ACAP1: variants seen among roughly 807,000 people sequenced by gnomAD.
ACAP1 encodes the protein ArfGAP with coiled-coil, ankyrin repeat and PH domains 1, also known as arf-GAP with coiled-coil, ANK repeat and PH domain-containing protein 1.
ACAP1 carries 45 observed loss-of-function variants against 98.8 expected under a neutral mutation model. That is an observed-to-expected ratio of 0.46 (90% CI 0.36 to 0.58). The LOEUF (loss-of-function observed/expected upper bound fraction) is 0.58. Among genes scored for constraint, ACAP1 ranks in the 20% least tolerant of loss-of-function variants. The pLI is 0.00. For missense variants in ACAP1, 735 were observed against 971.4 expected, an observed-to-expected ratio of 0.76 and a Z score of 3.24; for synonymous variants, 362 against 375.3, an observed-to-expected ratio of 0.96 and a Z score of 0.41.
At position 7,347,043 on chromosome 17, in the gene ACAP1, C is replaced by T. The variant is rs2073353451; in HGVS notation, c.1144C>T (p.Leu382=). The change falls in exon 14 of 22, where the codon CTG becomes TTG. Residue 382 remains leucine, a synonymous_variant. Coordinates refer to ENST00000158762, the MANE Select transcript of ACAP1 (RefSeq NM_014716.4). Reference sequence around the variant, plus strand: ...CTCTCTCCCCCAGGGCTCAGGACACCTGGCCATAGGCTCTGCTGCCACCCT... The same window carrying T: ...CTCTCTCCCCCAGGGCTCAGGACACTTGGCCATAGGCTCTGCTGCCACCCT... ...PRGPGQGSGH[L]AIGSAATLGS... 11 of 1,592,622 alleles carry T rather than the reference C, an allele frequency of 6.9e-6. No homozygotes were observed. Among genetic ancestry groups the T allele is most frequent in the Non-Finnish European group, 9.4e-6 (11 of 1,166,420 alleles).
intron 5 of ACAP1, chr17:7,342,713 A>T (rs2073299939): frequency 3.5e-6 from 2 of 567,672 alleles, no homozygotes; most frequent in Non-Finnish European, 6.3e-6. Context: ...CAGCCTGTCT[A>T]ACATGGCAAA....
intron 14 of ACAP1, 113 bp downstream of exon 14, chr17:7,347,355 A>T: frequency 9.1e-7 from 1 of 1,099,614 alleles, no homozygotes; most frequent in Non-Finnish European, 1.3e-6. Context: ...TTCCTCTCTT[A>T]GCTTCTGGCT....
Position 7,349,986 on chromosome 17 carries a change from G to A in ACAP1, c.1893G>A (p.Ala631=). The part of the protein sequence containing the change: ...LACEFLLQNG[A]NVNQADSAGR... ...GTGAGTTTCTCCTCCAGAACGGGGC[G>A]AACGTGAACCAAGCGGACAGTGCGG... is the stretch of plus-strand genomic sequence containing the variant. The change falls in exon 19 of 22, where the codon GCG becomes GCA. Residue 631 remains alanine (A), a synonymous_variant. Transcript: ENST00000158762. 6.2e-7 allele frequency: 1 copy of A among 1,613,296 alleles called. No homozygotes were observed. Among genetic ancestry groups the A allele is most frequent in the Non-Finnish European group, 8.5e-7 (1 of 1,179,382 alleles).
At chr17:7,349,379 CT>C (rs1393015366) in intron 18 of ACAP1, 54,507 of 384,112 alleles carry the variant, frequency 0.14, 7 homozygotes, top group East Asian at 0.2. Context: ...TTACAGGAGA[CT>C]TTTTTTTTTT....
intron 2 of ACAP1, among the ~76,000 whole-genome samples, chr17:7,339,624 C>T (rs990512253): frequency 1.2e-4 from 19 of 152,174 alleles, no homozygotes; most frequent in African/African-American, 2.7e-4. Context: ...CACTGCACTC[C>T]GGCGTGGGCG....
Position 7,350,915 on chromosome 17 carries a change from T to C in ACAP1, c.2073-35T>C, listed in dbSNP as rs1027703758. 3 of 1,612,282 alleles carry C rather than the reference T, an allele frequency of 1.9e-6. No individual in the cohort carries two copies. The highest frequency in any genetic ancestry group is 1.7e-4 in the Middle Eastern group (1 of 6,060). On this transcript the variant is annotated intron_variant, in intron 20 of 21. Coordinates refer to ENST00000158762, the MANE Select transcript of ACAP1 (RefSeq NM_014716.4). The surrounding 1 kb of genome is among the most constrained non-coding windows in gnomAD (Gnocchi z 4.6). ...GTGAGCCACCGCGCCCGGCCAAAGA[T>C]AGTGTCGTTCATTTCTTAATTCCCT...
Position 7,341,944 on chromosome 17 carries a change from C to A in ACAP1, c.112-4C>A. The A allele has an allele frequency of 6.2e-7, 1 of 1,614,098 alleles. No homozygotes were observed. Among genetic ancestry groups the A allele is most frequent in the Non-Finnish European group, 8.5e-7 (1 of 1,180,000 alleles). On this transcript the variant is annotated splice_region_variant and splice_polypyrimidine_tract_variant and intron_variant, in intron 2 of 21. Coordinates refer to ENST00000158762, the MANE Select transcript of ACAP1 (RefSeq NM_014716.4). ...AGCTCCCTGTTACCCTCCTTCTTTC[C>A]CAGCTCCTGAAACTGGGCACTGGTC...
At chr17:7,349,876 C>T in intron 18 of ACAP1, 69 bp from the exon 19 acceptor site, 2 of 1,317,492 alleles carry the variant, frequency 1.5e-6, no homozygotes, top group Non-Finnish European at 1.1e-6. Context: ...CTGGCGCCAC[C>T]CTAAGACATC....
At chr17:7,345,108 A>T (rs977479077) in intron 10 of ACAP1, among the ~76,000 whole-genome samples, 1 of 152,048 alleles carries the variant, frequency 6.6e-6, no homozygotes, top group Non-Finnish European at 1.5e-5. Flanking sequence ...TAATGGGGGC[A>T]TGAGTCATTA....
Position 7,347,063 on chromosome 17 carries a change from C to T in ACAP1, c.1164C>T (p.Ala388=). The change falls in exon 14 of 22, where the codon GCC becomes GCT. Residue 388 remains alanine (A), a synonymous_variant. Coordinates refer to ENST00000158762, the MANE Select transcript of ACAP1 (RefSeq NM_014716.4). ...GACACCTGGCCATAGGCTCTGCTGC[C>T]ACCCTGGGCTCTGGTGGAATGGCCA... is the stretch of plus-strand genomic sequence containing the variant. ...GSGHLAIGSA[A]TLGSGGMARG... is the part of the protein sequence containing the mutation. 3 of 1,606,532 alleles carry T rather than the reference C, an allele frequency of 1.9e-6. No homozygotes were observed. Among genetic ancestry groups the T allele is most frequent in the Non-Finnish European group, 2.6e-6 (3 of 1,175,320 alleles).
chr17:7,350,085 G>A lies in ACAP1; in HGVS notation c.1961+31G>A, dbSNP rs1464585246. The stretch of plus-strand genomic sequence containing the variant: ...GATGATGGCATGGGGAGGAAGGCTG[G>A]GAGAAGTTGGGCGGCCGGCTGACCC... On this transcript the variant is annotated intron_variant, in intron 19 of 21. Coordinates refer to ENST00000158762, the MANE Select transcript of ACAP1 (RefSeq NM_014716.4). The surrounding 1 kb of genome is among the most constrained non-coding windows in gnomAD (Gnocchi z 4.6). 2.5e-6 allele frequency: 4 copies of A among 1,613,262 alleles called. No individual in the cohort carries two copies. The South Asian group carries it at 4.4e-5, about 18-fold the overall frequency.
At chr17:7,347,501 G>A (rs55827010) in intron 14 of ACAP1, 5,803 of 521,770 alleles carry the variant, frequency 0.011, 52 homozygotes, top group Non-Finnish European at 0.015. Context: ...GAAGAAGTGT[G>A]GGGTCAAGGC....
At chr17:7,347,263 C>T (rs1235864350) in intron 14 of ACAP1, 21 bp downstream of exon 14, 18 of 1,593,896 alleles carry the variant, frequency 1.1e-5, no homozygotes, top group East Asian at 9.0e-5. Flanking sequence ...AAGGCCCATG[C>T]GGGAGCCCCA....
At position 7,350,053 on chromosome 17, in the gene ACAP1, G is replaced by C; in HGVS notation, c.1960G>C (p.Gly654Arg). Reference protein sequence around the residue: ...LHHATILGHTGLACLFLKRGA... With the variant: ...LHHATILGHTRLACLFLKRGA... ...CCACGCAACCATTCTTGGCCACACG[G>C]GGTAGGGATGATGGCATGGGGAGGA... Residue 654 changes from glycine to arginine, a missense_variant and splice_region_variant, in exon 19 of 22, where the codon GGG (glycine) becomes CGG (arginine). Transcript: ENST00000158762. This position sits in a 1 kb window ranked among gnomAD's most constrained non-coding sequence, Gnocchi z 4.6. 1 of 1,613,516 alleles carries C rather than the reference G, an allele frequency of 6.2e-7. No homozygotes were observed. The highest frequency in any genetic ancestry group is 8.5e-7 in the Non-Finnish European group (1 of 1,179,486).
Position 7,343,732 on chromosome 17 carries a change from G to A in ACAP1, c.555G>A (p.Lys185=). The A allele has an allele frequency of 6.2e-7, 1 of 1,614,180 alleles. No individual in the cohort carries two copies. Among genetic ancestry groups the A allele is most frequent in the Non-Finnish European group, 8.5e-7 (1 of 1,180,030 alleles). The change falls in exon 7 of 22, where the codon AAG becomes AAA. Residue 185 remains lysine (K), a synonymous_variant. Transcript: ENST00000158762. The surrounding 1 kb of genome is among the most constrained non-coding windows in gnomAD (Gnocchi z 4.9). The part of the protein sequence containing the change: ...LQINVIEDKR[K]FDIMEFVLRL... ...TCAACGTGATTGAGGACAAGAGGAA[G>A]TTTGACATCATGGAGTTTGTGAGTT...
intron 2 of ACAP1, among the ~76,000 whole-genome samples, chr17:7,338,974 A>T (rs941870191): frequency 4.6e-5 from 7 of 152,026 alleles, no homozygotes; most frequent in Admixed American, 2.6e-4. Context: ...AAACCAGGAC[A>T]TTAATAGTGT....
In ACAP1 at chr17:7,350,483, G is replaced by T; in HGVS notation, c.2072+246G>T. ...GGATGCTTGGCCCACCCTGAGAGGC[G>T]TAATTCGCCCATCAACATTGCTGTC... On this transcript the variant is annotated intron_variant, in intron 20 of 21. Coordinates refer to ENST00000158762, the MANE Select transcript of ACAP1 (RefSeq NM_014716.4). This position sits in a 1 kb window ranked among gnomAD's most constrained non-coding sequence, Gnocchi z 4.6. 3.5e-6 allele frequency: 2 copies of T among 563,584 alleles called. No homozygotes were observed. The highest frequency in any genetic ancestry group is 3.0e-5 in the East Asian group (1 of 33,692). The allele number at this position is 563,584 out of a possible 1,614,324, so 34.9% of individuals were successfully genotyped here. A position where few individuals can be genotyped will look rare whatever the true frequency, so the allele number is the denominator to read the frequency against.
chr17:7,351,259 G>T (rs775610680), intron 21 of ACAP1, 36 bp from the exon 22 acceptor site: 1 of 1,558,358 alleles, frequency 6.4e-7, no homozygotes, highest in East Asian at 2.3e-5. Context: ...CTGCACTGGG[G>T]CCCAGCCGCC....
intron 17 of ACAP1, 173 bp from the exon 18 acceptor site, chr17:7,348,822 T>C (rs1180066662): frequency 1.6e-6 from 1 of 635,606 alleles, no homozygotes; most frequent in Non-Finnish European, 2.7e-6. Context: ...CTCGTACACA[T>C]GCATACGCAT....
Sources: gnomAD v4.1 joint callset for allele counts (sites outside exome capture counted in the v4.1 genomes callset) on GRCh38, gnomAD v4.1.1 for gene constraint, Gnocchi (gnomAD v3.1) non-coding constraint, MANE v1.5 for transcripts, NCBI Gene and HGNC (gene_info 2026-07-23, HGNC 2026-07-21) for gene names.